Variants in EHMT2 observed in about 807,000 individuals in gnomAD.
EHMT2 encodes the protein euchromatic histone lysine methyltransferase 2.
In EHMT2, 59 loss-of-function variants were observed where a neutral mutation model predicts 143.3. The observed-to-expected ratio is 0.41, with a 90% CI of 0.33 to 0.51. EHMT2 has a LOEUF of 0.51. Among genes scored for constraint, EHMT2 ranks in the 20% least tolerant of loss-of-function variants. EHMT2 has a pLI of 0.18. For missense variants in EHMT2, 1,174 were observed against 1,645.9 expected (o/e 0.71, Z 4.96); for synonymous variants, 604 against 651.5 (o/e 0.93, Z 1.11).
At chr6:31,879,893 G>A (rs919540016) in exon 28 of EHMT2, 10 of 662,584 alleles carry the variant, frequency 1.5e-5, no homozygotes, top group African/African-American at 3.6e-5. Context: ...CTCCCAGGGA[G>A]GAACCAGCTC....
In EHMT2 at chr6:31,888,787, C is replaced by T. The variant is rs374710683; in HGVS notation, c.1217-40G>A. The stretch of plus-strand genomic sequence containing the variant: ...AAGAGGAGCTGAGGGAGGCTCTGCA[C>T]CTCACCTACTGGGACCCCTGGCGGG... On this transcript the variant is annotated intron_variant, in intron 10 of 27. Coordinates refer to ENST00000375537, the Ensembl canonical transcript of EHMT2. This position sits in a 1 kb window ranked among gnomAD's most constrained non-coding sequence, Gnocchi z 7.4. 425 of 1,606,080 alleles carry T rather than the reference C, an allele frequency of 2.6e-4. 11 individuals carry two copies. Among genetic ancestry groups the T allele is most frequent in the East Asian group, 2.1e-3 (95 of 44,850 alleles).
Position 31,897,617 on chromosome 6 carries a change from TC to T in EHMT2, c.42+18del. ...GCGCGCGCGGGCATGCACCCGCCTC[TC>T]CCCCTCCCCTTCCGCACCTCGGCGG... is the stretch of plus-strand genomic sequence containing the variant. On this transcript the variant is annotated intron_variant, in intron 1 of 27. Transcript: ENST00000375537. 8.8e-7 allele frequency: 1 copy of T among 1,131,562 alleles called. No individual in the cohort carries two copies. Among genetic ancestry groups the T allele is most frequent in the Non-Finnish European group, 1.1e-6 (1 of 924,276 alleles). The allele number at this position is 1,131,562 out of a possible 1,614,324, so 70.1% of individuals were successfully genotyped here.
rs1387637922 is a variant in EHMT2 at position 31,888,952 on chromosome 6, C to T, written c.1216+17G>A. On this transcript the variant is annotated intron_variant, in intron 10 of 27. Coordinates refer to ENST00000375537, the Ensembl canonical transcript of EHMT2. This position sits in a 1 kb window ranked among gnomAD's most constrained non-coding sequence, Gnocchi z 7.4. ...GTCGCCCCCTAGTGGCTCCCTGTCC[C>T]GGCAATTGGCAATTACCAGCGTGGT... 1.3e-6 allele frequency: 2 copies of T among 1,586,580 alleles called. No individual in the cohort carries two copies. The highest frequency in any genetic ancestry group is 8.6e-7 in the Non-Finnish European group (1 of 1,167,152).
At position 31,887,425 on chromosome 6, in the gene EHMT2, C is replaced by T. The variant is rs80145470; in HGVS notation, c.2011+152G>A. The stretch of plus-strand genomic sequence containing the variant: ...CACCTATGAGTCACCACATCCCCAT[C>T]GTTATGGGTTACATGTGTCTTTTCC... On this transcript the variant is annotated intron_variant, in intron 15 of 27. Coordinates refer to ENST00000375537, the Ensembl canonical transcript of EHMT2. The T allele has an allele frequency of 2.5e-3, 1,731 of 698,746 alleles. 43 individuals are homozygous for T. The Admixed American group carries it at 0.035, about 14-fold the overall frequency. 43.3% of individuals were successfully genotyped at this position (698,746 alleles called of 1,614,324 possible).
intron 25 of EHMT2, among the ~76,000 whole-genome samples, chr6:31,882,228 T>C (rs1158414090): frequency 2.6e-5 from 4 of 150,950 alleles, no homozygotes; most frequent in Non-Finnish European, 5.9e-5. Flanking sequence ...AAAGAACTGA[T>C]GGAGAGGGAC....
rs750078253 is a variant in EHMT2, at chr6:31,883,818, G to A, written c.2904C>T (p.Ile968=). The A allele has an allele frequency of 3.7e-5, 59 of 1,614,008 alleles. 1 individual carries two copies. The highest frequency in any genetic ancestry group is 5.0e-5 in the Non-Finnish European group (59 of 1,179,962). Residue 968 remains isoleucine (I), a synonymous_variant, in exon 22 of 28, where the codon ATC becomes ATT. Transcript: ENST00000375537. The surrounding 1 kb of genome is among the most constrained non-coding windows in gnomAD (Gnocchi z 5.6). The stretch of plus-strand genomic sequence containing the variant: ...GCCCCCTACTCACCTGCAGGTGGGT[G>A]ATGTTGCGATCGATGTTCATGGTGG...
intron 4 of EHMT2, chr6:31,893,259 T>C (rs1317653174): frequency 2.1e-6 from 1 of 486,170 alleles, no homozygotes; most frequent in Non-Finnish European, 3.9e-6. Context: ...CACTGACAGA[T>C]GAATGGATAA....
At position 31,881,406 on chromosome 6, in the gene EHMT2, G is replaced by A; in HGVS notation, c.3198-314C>T. The A allele has an allele frequency of 2.0e-6, 1 of 488,278 alleles. No individual in the cohort carries two copies. The highest frequency in any genetic ancestry group is 1.9e-5 in the African/African-American group (1 of 51,616). The allele number at this position is 488,278 out of a possible 1,614,324, so 30.2% of individuals were successfully genotyped here. A position where few individuals can be genotyped will look rare whatever the true frequency, so the allele number is the denominator to read the frequency against. On this transcript the variant is annotated intron_variant, in intron 25 of 27. Transcript: ENST00000375537. The surrounding 1 kb of genome is among the most constrained non-coding windows in gnomAD (Gnocchi z 4.8). ...AGGTTTGTGTTCCAGGAGCCACCCG[G>A]CAGGAATGGGCGATATGGAACAGGA...
At chr6:31,893,085 A>C (rs1038465191) in intron 4 of EHMT2, 175 bp from the exon 5 acceptor site, 1 of 581,936 alleles carries the variant, frequency 1.7e-6, no homozygotes, top group African/African-American at 1.9e-5. Flanking sequence ...GAAGAGTGTC[A>C]AGCACACTAA....
chr6:31,883,394 C>T lies in EHMT2; in HGVS notation c.2962G>A (p.Gly988Ser), dbSNP rs778011247. The change falls in exon 23 of 28, where the codon GGC (glycine) becomes AGC (serine). Residue 988 changes from glycine (G) to serine (S), a missense_variant. By Grantham distance (56) the Gly-to-Ser change is moderately conservative (BLOSUM62 0). This residue lies in a region of EHMT2 where 78 missense variants were observed against 144.0 expected (regional missense o/e 0.54). Coordinates refer to ENST00000375537, the Ensembl canonical transcript of EHMT2. This position sits in a 1 kb window ranked among gnomAD's most constrained non-coding sequence, Gnocchi z 5.6. ...TACCAGCACCGGATGCTGAGCTGGC[C>T]GCACAGGCAGTTGGAGCTAGAGCAG... The T allele has an allele frequency of 4.3e-6, 7 of 1,612,834 alleles. No homozygotes were observed. Among genetic ancestry groups the T allele is most frequent in the African/African-American group, 2.7e-5 (2 of 74,908 alleles).
chr6:31,886,972 C>A lies in EHMT2; in HGVS notation c.2118+23G>T, dbSNP rs527363421. On this transcript the variant is annotated intron_variant, in intron 16 of 27. Transcript: ENST00000375537. The stretch of plus-strand genomic sequence containing the variant: ...GGGCCTAAGGGCCTGGTGAATGAGG[C>A]ATGGGGCCGGGCCCGTGCTGACCTG... 4 of 1,613,912 alleles carry A rather than the reference C, an allele frequency of 2.5e-6. No homozygotes were observed. The African/African-American group carries it at 5.3e-5, about 22-fold the overall frequency.
rs1024639968 is a variant in EHMT2 at position 31,883,013 on chromosome 6, G to A, written c.2995-4C>T. 1.9e-5 allele frequency: 30 copies of A among 1,612,130 alleles called. No individual in the cohort carries two copies. Among genetic ancestry groups the A allele is most frequent in the Non-Finnish European group, 2.5e-5 (29 of 1,179,450 alleles). On this transcript the variant is annotated splice_polypyrimidine_tract_variant and splice_region_variant and intron_variant, in intron 23 of 27. Coordinates refer to ENST00000375537, the Ensembl canonical transcript of EHMT2. This position sits in a 1 kb window ranked among gnomAD's most constrained non-coding sequence, Gnocchi z 5.6. ...ATTCCTGGAGCAATCGCCCATCCTA[G>A]GGTGCGGAGGGGAGGATAGTGGTTT...
intron 1 of EHMT2, chr6:31,897,271 C>G: frequency 1.2e-6 from 1 of 855,092 alleles, no homozygotes; most frequent in Non-Finnish European, 1.6e-6. Flanking sequence ...CCCCTCCTCC[C>G]GGCTGCACGC....
exon 24 of EHMT2, chr6:31,882,959 G>A (rs765600287): frequency 1.4e-5 from 22 of 1,612,976 alleles, no homozygotes; most frequent in East Asian, 4.5e-5. Context: ...GGTTACACTC[G>A]AAAATCAGCG....
At position 31,880,426 on chromosome 6, in the gene EHMT2, G is replaced by GC. The variant is rs1242628942; in HGVS notation, c.3453-163dup. ...TATGTTCTATGGACTTTCAGCATCA[G>GC]CATTGCCTGGGGACTTTTTAGAAAT... On this transcript the variant is annotated intron_variant, in intron 27 of 27. Transcript: ENST00000375537. This position sits in a 1 kb window ranked among gnomAD's most constrained non-coding sequence, Gnocchi z 6.6. 1 of 900,656 alleles carries GC rather than the reference G, an allele frequency of 1.1e-6. No individual in the cohort carries two copies. Among genetic ancestry groups the GC allele is most frequent in the Non-Finnish European group, 1.6e-6 (1 of 609,482 alleles). 55.8% of individuals were successfully genotyped at this position (900,656 alleles called of 1,614,324 possible). A position where few individuals can be genotyped will look rare whatever the true frequency, so the allele number is the denominator to read the frequency against.
In EHMT2 at chr6:31,889,117, G is replaced by T; in HGVS notation, c.1115-47C>A. Reference sequence around the variant, plus strand: ...TGAGAGTGCGAGCTCACAGGTGCCTGGACGCGTGGGTACATGCAGGTGGAC... The same window carrying T: ...TGAGAGTGCGAGCTCACAGGTGCCTTGACGCGTGGGTACATGCAGGTGGAC... On this transcript the variant is annotated intron_variant, in intron 9 of 27. Transcript: ENST00000375537. This position sits in a 1 kb window ranked among gnomAD's most constrained non-coding sequence, Gnocchi z 5.1. 1 of 1,553,666 alleles carries T rather than the reference G, an allele frequency of 6.4e-7. No homozygotes were observed. The highest frequency in any genetic ancestry group is 2.3e-5 in the East Asian group (1 of 43,392).
At chr6:31,894,807 AATTT>A (rs1481822289) in intron 4 of EHMT2, among the ~76,000 whole-genome samples, 1 of 102,670 alleles carries the variant, frequency 9.7e-6, no homozygotes, top group African/African-American at 3.8e-5. Context: ...ACACCTGGCT[AATTT>A]ATTATTATTA....
chr6:31,888,513 G>T lies in EHMT2; in HGVS notation c.1366-7C>A. On this transcript the variant is annotated splice_region_variant and splice_polypyrimidine_tract_variant and intron_variant, in intron 11 of 27. Coordinates refer to ENST00000375537, the Ensembl canonical transcript of EHMT2. This position sits in a 1 kb window ranked among gnomAD's most constrained non-coding sequence, Gnocchi z 7.4. ...CGGCATTGCAGCCTGACAGCTGTGC[G>T]CAGTGAGGATGGGTGAGAAGAGAGC... is the stretch of plus-strand genomic sequence containing the variant. 6.2e-7 allele frequency: 1 copy of T among 1,611,928 alleles called. No homozygotes were observed. Among genetic ancestry groups the T allele is most frequent in the Non-Finnish European group, 8.5e-7 (1 of 1,179,488 alleles).
chr6:31,893,519 G>A (rs183310399), intron 4 of EHMT2: 1 of 309,380 alleles, frequency 3.2e-6, no homozygotes, highest in Admixed American at 4.1e-5. Flanking sequence ...TAGAGAAGAG[G>A]TCTTGCCATG....
Sources: gnomAD v4.1 joint callset for allele counts (sites outside exome capture counted in the v4.1 genomes callset) on GRCh38, gnomAD v4.1.1 for gene constraint, gnomAD v4.1.1 regional missense constraint, Gnocchi (gnomAD v3.1) non-coding constraint, MANE v1.5 for transcripts, NCBI Gene and HGNC (gene_info 2026-07-23, HGNC 2026-07-21) for gene names.